The following KCNC4 variants were observed in gnomAD, a reference collection of about 807,000 sequenced individuals.
The protein encoded by KCNC4 is potassium voltage-gated channel subfamily C member 4, also known as voltage-gated potassium channel KCNC4.
A neutral mutation model predicts 42.8 loss-of-function variants in KCNC4; 23 were observed. The ratio of observed to expected loss-of-function variants is 0.54; its 90% CI spans 0.39 to 0.76. The LOEUF (loss-of-function observed/expected upper bound fraction) is 0.76. KCNC4 is among the 30% of genes least tolerant of loss of function. The pLI is 0.00. For missense variants in KCNC4, 751 were observed against 898.2 expected, an observed-to-expected ratio of 0.84 and a Z score of 2.10; for synonymous variants, 422 against 393.5, an observed-to-expected ratio of 1.07 and a Z score of -0.86.
At chr1:110,260,454 A>G (rs527798427) in intron 1 of KCNC4, among the ~76,000 whole-genome samples, 27 of 152,384 alleles carry the variant, frequency 1.8e-4, no homozygotes, top group African/African-American at 4.8e-4. Flanking sequence ...ATGTGTCTAT[A>G]TAACTTTCAC....
downstream of KCNC4, among the ~76,000 whole-genome samples, chr1:110,250,749 GAGGAA>G (rs564280702): frequency 5.7e-4 from 87 of 152,304 alleles, no homozygotes; most frequent in African/African-American, 2.0e-3. Context: ...CAAGGGAAAA[GAGGAA>G]AGGAAGACCC....
intron 1 of KCNC4, among the ~76,000 whole-genome samples, chr1:110,217,092 G>A (rs990474661): frequency 1.3e-5 from 2 of 152,200 alleles, no homozygotes; most frequent in Non-Finnish European, 2.9e-5. Flanking sequence ...ATGAGTCAGA[G>A]GGGGCCATGC....
At chr1:110,218,270 C>G (rs1398547714) in intron 1 of KCNC4, among the ~76,000 whole-genome samples, 2 of 152,282 alleles carry the variant, frequency 1.3e-5, no homozygotes, top group African/African-American at 4.8e-5. Flanking sequence ...CTCAAAACAA[C>G]TGTACCAGGT....
At chr1:110,232,403 TGGA>T (rs1658740945) in intron 3 of KCNC4, 2 of 1,525,380 alleles carry the variant, frequency 1.3e-6, no homozygotes, top group South Asian at 2.4e-5. Flanking sequence ...TGACAGCAGA[TGGA>T]GCTACTTGGG....
At chr1:110,268,288 C>T (rs1297594811) in intron 1 of KCNC4, among the ~76,000 whole-genome samples, 1 of 152,164 alleles carries the variant, frequency 6.6e-6, no homozygotes, top group Admixed American at 6.5e-5. Context: ...TTCTCCAGCC[C>T]CCTGGCTGCC....
downstream of KCNC4, chr1:110,237,033 C>T (rs528355995): frequency 5.9e-5 from 9 of 152,112 alleles, no homozygotes; most frequent in African/African-American, 2.2e-4. Context: ...TACTGCCAGT[C>T]ATGGTGGCTC....
chr1:110,246,852 A>G (rs902254809), exon 4 of KCNC4: 2 of 143,800 alleles, frequency 1.4e-5, no homozygotes, highest in African/African-American at 5.3e-5. Context: ...CAGGGCTTTT[A>G]GAGTATCGGT....
At chr1:110,279,954 A>AT (rs1659792876) in intron 1 of KCNC4, among the ~76,000 whole-genome samples, 1 of 151,682 alleles carries the variant, frequency 6.6e-6, no homozygotes, top group Non-Finnish European at 1.5e-5. Flanking sequence ...CGCTCAGTTA[A>AT]TTTTTTGTAT....
rs765148524 is a variant in KCNC4 at position 110,233,007 on chromosome 1, CAGAA to C, written c.*38_*41del. 5.7e-5 allele frequency: 92 copies of C among 1,600,032 alleles called. No individual in the cohort carries two copies. Among genetic ancestry groups the C allele is most frequent in the Admixed American group, 1.4e-4 (8 of 58,368 alleles). Reference sequence around the variant, plus strand: ...AACGTGAGAGAGACAGGCAGACAGACAGAAAGCCAGAGGCTTAGGGAAACTCTGG... The same window carrying C: ...AACGTGAGAGAGACAGGCAGACAGACAGCCAGAGGCTTAGGGAAACTCTGG... On this transcript the variant is annotated 3_prime_UTR_variant, in exon 4 of 4. Transcript: ENST00000438661.
chr1:110,265,377 TAAAATAAAATAAAATAAAATA>T (rs1330495981), intron 1 of KCNC4, among the ~76,000 whole-genome samples: 1 of 104,346 alleles, frequency 9.6e-6, no homozygotes, highest in East Asian at 2.7e-4. Flanking sequence ...TAAAATAAAA[TAAAATAAAATAAAATAAAATA>T]AAATAAAATA....
downstream of KCNC4, among the ~76,000 whole-genome samples, chr1:110,250,334 G>T (rs551435664): frequency 6.6e-6 from 1 of 152,236 alleles, no homozygotes; most frequent in South Asian, 2.1e-4. Flanking sequence ...TTGCCCTACT[G>T]CCTTCTACAC....
chr1:110,253,184 C>G (rs1394969520), downstream of KCNC4, among the ~76,000 whole-genome samples: 2 of 152,254 alleles, frequency 1.3e-5, no homozygotes, highest in African/African-American at 4.8e-5. Flanking sequence ...TGACCCCATG[C>G]TGATCATCCC....
At chr1:110,265,034 T>A (rs924356587) in intron 1 of KCNC4, among the ~76,000 whole-genome samples, 1 of 148,528 alleles carries the variant, frequency 6.7e-6, no homozygotes, top group African/African-American at 2.5e-5. Context: ...TGAGCCGAGA[T>A]TGTGCCACTG....
In KCNC4 at chr1:110,211,224, T is replaced by C; in HGVS notation, c.-276T>C. On this transcript the variant is annotated 5_prime_UTR_variant, in exon 1 of 4. Transcript: ENST00000438661. The surrounding 1 kb of genome is among the most constrained non-coding windows in gnomAD (Gnocchi z 6.5). ...CCGTCGTAGCGGGGGACCGCGTGTGTGCTTGCTTCTACTTCCCCGGGTCCT... is the reference window on the plus strand; with the variant it reads ...CCGTCGTAGCGGGGGACCGCGTGTGCGCTTGCTTCTACTTCCCCGGGTCCT... 4.1e-6 allele frequency: 2 copies of C among 488,144 alleles called. No individual in the cohort carries two copies. Among genetic ancestry groups the C allele is most frequent in the Non-Finnish European group, 7.3e-6 (2 of 272,376 alleles). The allele number at this position is 488,144 out of a possible 1,614,324, so 30.2% of individuals were successfully genotyped here. A position where few individuals can be genotyped will look rare whatever the true frequency, so the allele number is the denominator to read the frequency against.
At chr1:110,252,402 G>C (rs765437383), downstream of KCNC4, among the ~76,000 whole-genome samples, 5 of 152,176 alleles carry the variant, frequency 3.3e-5, no homozygotes, top group South Asian at 2.1e-4. Flanking sequence ...TTCAAAGGAT[G>C]AAAGTCTGCC....
At chr1:110,215,391 A>G (rs1657742833) in intron 1 of KCNC4, among the ~76,000 whole-genome samples, 1 of 152,182 alleles carries the variant, frequency 6.6e-6, no homozygotes, top group Non-Finnish European at 1.5e-5. Flanking sequence ...CAGGGGGCCC[A>G]GTGGAGGTTT....
At chr1:110,274,597 A>G (rs2885145) in intron 1 of KCNC4, among the ~76,000 whole-genome samples, 44,123 of 152,070 alleles carry the variant, frequency 0.29, 6,839 homozygotes, top group Admixed American at 0.43. Flanking sequence ...CCATTACATT[A>G]TCTGACCTCA....
At chr1:110,232,484 T>A in intron 3 of KCNC4, 1 of 1,440,998 alleles carries the variant, frequency 6.9e-7, no homozygotes, top group Admixed American at 2.7e-5. Context: ...CATCAGGAAC[T>A]TTCCCCACTG....
In KCNC4 at chr1:110,226,082, C is replaced by T. The variant is rs750916005; in HGVS notation, c.1723C>T (p.Arg575Ter). ...SPTPEERRAL[R>*]RSTTRDRNKK... ...GACCCCCGAGGAGCGCCGGGCCCTG[C>T]GACGCTCCACCACTCGAGACAGAAA... Residue 575 changes from arginine to a stop codon, truncating the protein, a stop_gained, in exon 3 of 4, where the codon CGA (arginine) becomes TGA (stop). Transcript: ENST00000438661. LOFTEE classifies it high-confidence loss of function. 4.3e-6 allele frequency: 7 copies of T among 1,614,122 alleles called. No homozygotes were observed. The highest frequency in any genetic ancestry group is 1.1e-5 in the South Asian group (1 of 91,084).
Sources: gnomAD v4.1 joint callset for allele counts (sites outside exome capture counted in the v4.1 genomes callset) on GRCh38, gnomAD v4.1.1 for gene constraint, Gnocchi (gnomAD v3.1) non-coding constraint, MANE v1.5 for transcripts, NCBI Gene and HGNC (gene_info 2026-07-23, HGNC 2026-07-21) for gene names.